The following KCNK2 variants were observed in gnomAD, a reference collection of about 807,000 sequenced individuals.
The protein encoded by KCNK2 is potassium two pore domain channel subfamily K member 2.
A neutral mutation model predicts 40.5 loss-of-function variants in KCNK2; 21 were observed. The ratio of observed to expected loss-of-function variants is 0.52; its 90% CI spans 0.37 to 0.75. KCNK2 has a LOEUF of 0.75. Ranked by LOEUF, KCNK2 falls within the 30% of genes least tolerant of loss-of-function variation. KCNK2 has a pLI of 0.00. For synonymous variants in KCNK2, 191 were observed against 202.2 expected (o/e 0.94, Z 0.47); for missense variants, 399 against 531.6 (o/e 0.75, Z 2.45).
intron 1 of KCNK2, among the ~76,000 whole-genome samples, chr1:215,077,224 T>A (rs1322870373): frequency 6.6e-6 from 1 of 152,148 alleles, no homozygotes; most frequent in Non-Finnish European, 1.5e-5. Flanking sequence ...ACACAACAGG[T>A]ATGAGAAGGG....
chr1:215,148,088 T>C (rs1315222904), intron 3 of KCNK2, among the ~76,000 whole-genome samples: 20 of 142,992 alleles, frequency 1.4e-4, no homozygotes, highest in African/African-American at 4.9e-4. Context: ...TCCTTTTTTT[T>C]TTTTTTTTTT....
chr1:215,143,002 T>G (rs1310650882), intron 3 of KCNK2, among the ~76,000 whole-genome samples: 1 of 152,114 alleles, frequency 6.6e-6, no homozygotes, highest in African/African-American at 2.4e-5. Flanking sequence ...GTGGGCCTTC[T>G]CATAATTATC....
chr1:215,176,123 G>A (rs1305770194), intron 5 of KCNK2, among the ~76,000 whole-genome samples: 1 of 152,050 alleles, frequency 6.6e-6, no homozygotes, highest in Non-Finnish European at 1.5e-5. Flanking sequence ...CAGTGTGTAA[G>A]CATTCTCTTT....
intron 5 of KCNK2, among the ~76,000 whole-genome samples, chr1:215,176,953 C>A (rs748515869): frequency 6.6e-6 from 1 of 152,142 alleles, no homozygotes; most frequent in Non-Finnish European, 1.5e-5. Flanking sequence ...ACATTTCCAC[C>A]AACAGTGTAA....
chr1:215,056,499 CAAAAAAAAAA>C (rs376076606), intron 1 of KCNK2, among the ~76,000 whole-genome samples: 1 of 55,176 alleles, frequency 1.8e-5, no homozygotes, highest in Non-Finnish European at 3.1e-5. Context: ...GACTCAGTCT[CAAAAAAAAAA>C]AAAAAAAAAA....
intron 3 of KCNK2, among the ~76,000 whole-genome samples, chr1:215,144,365 A>G (rs771870771): frequency 6.6e-6 from 1 of 152,116 alleles, no homozygotes; most frequent in Non-Finnish European, 1.5e-5. Flanking sequence ...TTCAGCTGTC[A>G]TCACTCAGAT....
chr1:215,076,533 G>A (rs1658932854), intron 1 of KCNK2, among the ~76,000 whole-genome samples: 1 of 152,166 alleles, frequency 6.6e-6, no homozygotes, highest in Non-Finnish European at 1.5e-5. Flanking sequence ...TTACTCACAT[G>A]AACCTCTCTG....
intron 5 of KCNK2, among the ~76,000 whole-genome samples, chr1:215,185,643 T>G (rs1664403764): frequency 6.6e-6 from 1 of 152,224 alleles, no homozygotes. Flanking sequence ...TCCCTCTTGC[T>G]ATTAGATGTC....
At chr1:215,044,337 T>A (rs899102087) in intron 1 of KCNK2, among the ~76,000 whole-genome samples, 1 of 152,126 alleles carries the variant, frequency 6.6e-6, no homozygotes, top group Non-Finnish European at 1.5e-5. Context: ...AGAAATCTGT[T>A]AATTTTTATT....
intron 6 of KCNK2, among the ~76,000 whole-genome samples, chr1:215,197,475 C>A (rs1291434389): frequency 1.3e-5 from 2 of 152,084 alleles, no homozygotes; most frequent in Non-Finnish European, 2.9e-5. Context: ...ATCGTGTGAG[C>A]ATGCACACTC....
chr1:215,052,154 A>T (rs953619020), intron 1 of KCNK2, among the ~76,000 whole-genome samples: 4 of 152,178 alleles, frequency 2.6e-5, no homozygotes, highest in African/African-American at 7.2e-5. Context: ...TCAAATAGAG[A>T]TGATGAATGT....
At chr1:215,095,107 A>G (rs1480518239) in intron 2 of KCNK2, among the ~76,000 whole-genome samples, 2 of 152,102 alleles carry the variant, frequency 1.3e-5, no homozygotes, top group African/African-American at 4.8e-5. Flanking sequence ...ACGTTTGTGT[A>G]TTTTATCACA....
chr1:215,172,313 G>A (rs1558124221), intron 5 of KCNK2, 130 bp downstream of exon 5: 3 of 785,950 alleles, frequency 3.8e-6, no homozygotes, highest in Admixed American at 2.6e-5. Context: ...GTACCATAAA[G>A]TGGGTGGCTT....
At chr1:215,118,700 T>G (rs1038410627) in intron 2 of KCNK2, among the ~76,000 whole-genome samples, 24 of 152,010 alleles carry the variant, frequency 1.6e-4, no homozygotes, top group Non-Finnish European at 5.9e-5. Context: ...TATTGGAAAT[T>G]ATGTCGTTTT....
Position 215,187,360 on chromosome 1 carries a change from AT to A in KCNK2, c.824-7589del, listed in dbSNP as rs1664483194. ...TACGTTCTGTTTCCTAACTTTTGTC[AT>A]TTTATTTTTTATTTGACTGGAAGTC... On this transcript the variant is annotated intron_variant, in intron 5 of 6. Transcript: ENST00000444842. Among the ~76,000 whole-genome samples, 4 of 152,258 alleles carry A rather than the reference AT, an allele frequency of 2.6e-5. No individual in the cohort carries two copies. In the South Asian group the frequency reaches 8.3e-4, roughly 32 times the overall value.
chr1:215,108,306 G>A (rs1660527781), intron 2 of KCNK2, among the ~76,000 whole-genome samples: 1 of 152,122 alleles, frequency 6.6e-6, no homozygotes, highest in Non-Finnish European at 1.5e-5. Flanking sequence ...ATGGATATGT[G>A]TAGGTTATAT....
chr1:215,233,451 T>TACACACACACACAC (rs35194601), intron 6 of KCNK2, among the ~76,000 whole-genome samples: 3 of 149,046 alleles, frequency 2.0e-5, no homozygotes, highest in African/African-American at 7.4e-5. Flanking sequence ...TGTTTTTGAG[T>TACACACACACACAC]ACACACACAC....
intron 2 of KCNK2, among the ~76,000 whole-genome samples, chr1:215,120,592 ATTGT>A (rs1213945447): frequency 1.3e-5 from 2 of 152,086 alleles, no homozygotes; most frequent in East Asian, 1.9e-4. Context: ...CCTGTGCCTA[ATTGT>A]TTGTGTGCAC....
intron 3 of KCNK2, among the ~76,000 whole-genome samples, chr1:215,135,908 T>C (rs1206887289): frequency 6.6e-6 from 1 of 151,842 alleles, no homozygotes; most frequent in African/African-American, 2.4e-5. Context: ...CTAATTTTTG[T>C]ATTTTTAGTA....
Sources: gnomAD v4.1 joint callset for allele counts (sites outside exome capture counted in the v4.1 genomes callset) on GRCh38, gnomAD v4.1.1 for gene constraint, MANE v1.5 for transcripts, NCBI Gene and HGNC (gene_info 2026-07-23, HGNC 2026-07-21) for gene names.